TAF3: variants seen among roughly 807,000 people sequenced by gnomAD.
The protein encoded by TAF3 is TATA-box binding protein associated factor 3.
Under a neutral mutation model 80.6 loss-of-function variants are expected in TAF3, and 7 were observed. The observed-to-expected ratio is 0.09, with a 90% CI of 0.05 to 0.16. TAF3 has a LOEUF of 0.16. TAF3 is among the 10% of genes least tolerant of loss of function. The probability of loss-of-function intolerance (pLI) is 1.00; values close to 1 mark genes in which losing one functional copy is unlikely to be tolerated. For missense variants in TAF3, 921 were observed against 1,140.2 expected, an observed-to-expected ratio of 0.81 and a Z score of 2.77; for synonymous variants, 444 against 446.1, an observed-to-expected ratio of 1.00 and a Z score of 0.06.
chr10:7,944,661 A>G lies in TAF3; in HGVS notation c.410-19259A>G, dbSNP rs147183924. Among the ~76,000 whole-genome samples the G allele has an allele frequency of 4.2e-3, 641 of 152,344 alleles. 3 individuals are homozygous for G. Among genetic ancestry groups the G allele is most frequent in the Non-Finnish European group, 6.4e-3 (434 of 68,026 alleles). ...GGTCAGTAATGGAATACAAAGGGTT[A>G]TCTCTTAGCTAATCCTCAAGTAATG... On this transcript the variant is annotated intron_variant, in intron 2 of 6. Transcript: ENST00000344293.
chr10:7,998,822 G>A (rs1485371864), intron 4 of TAF3, among the ~76,000 whole-genome samples: 2 of 149,820 alleles, frequency 1.3e-5, no homozygotes, highest in Non-Finnish European at 3.0e-5. Flanking sequence ...CTGGGCAACA[G>A]AGTGAGACTC....
chr10:7,828,058 GA>G (rs1209395895), intron 2 of TAF3, among the ~76,000 whole-genome samples: 1 of 152,114 alleles, frequency 6.6e-6, no homozygotes, highest in Non-Finnish European at 1.5e-5. Flanking sequence ...ATACATTAGT[GA>G]AGTCACGCTA....
chr10:7,966,250 C>T (rs1400281430), intron 3 of TAF3, among the ~76,000 whole-genome samples: 1 of 152,210 alleles, frequency 6.6e-6, no homozygotes, highest in Non-Finnish European at 1.5e-5. Context: ...TTATGCCTGT[C>T]TACAGAACTT....
intron 2 of TAF3, among the ~76,000 whole-genome samples, chr10:7,835,288 C>G (rs1836840756): frequency 1.3e-5 from 2 of 151,444 alleles, no homozygotes; most frequent in Admixed American, 1.3e-4. Context: ...GGGCTGCATT[C>G]AAAGCCGTCC....
At chr10:7,989,617 A>G (rs759453688) in intron 4 of TAF3, among the ~76,000 whole-genome samples, 82 of 152,354 alleles carry the variant, frequency 5.4e-4, no homozygotes, top group African/African-American at 1.8e-3. Context: ...AACTTTTGAT[A>G]GAAATTACAA....
chr10:7,917,070 A>G (rs1837718269), intron 2 of TAF3, among the ~76,000 whole-genome samples: 1 of 152,270 alleles, frequency 6.6e-6, no homozygotes, highest in Admixed American at 6.5e-5. Flanking sequence ...TCTGTGCTCA[A>G]TAAGTCCCAG....
chr10:7,836,206 A>T (rs1274776464), intron 2 of TAF3, among the ~76,000 whole-genome samples: 1 of 151,782 alleles, frequency 6.6e-6, no homozygotes, highest in Non-Finnish European at 1.5e-5. Context: ...CTGTATGCTG[A>T]TGCCTCCCCA....
chr10:7,983,641 A>G (rs1441758798), intron 4 of TAF3, among the ~76,000 whole-genome samples: 1 of 152,340 alleles, frequency 6.6e-6, no homozygotes, highest in South Asian at 2.1e-4. Context: ...TTGCTACAGA[A>G]ACTGAAACAT....
intron 6 of TAF3, 121 bp from the exon 7 acceptor site, chr10:8,014,516 T>C: frequency 1.3e-6 from 1 of 785,100 alleles, no homozygotes; most frequent in Non-Finnish European, 2.0e-6. Context: ...AAGTTAGTGC[T>C]GCTTGACTTT....
chr10:7,834,775 AACTGAT>A (rs1308039327), intron 2 of TAF3, among the ~76,000 whole-genome samples: 2 of 152,220 alleles, frequency 1.3e-5, no homozygotes, highest in African/African-American at 2.4e-5. Flanking sequence ...ACAATATTGC[AACTGAT>A]ACTATCATTC....
chr10:7,867,569 A>G (rs1837225772), intron 2 of TAF3, among the ~76,000 whole-genome samples: 1 of 152,174 alleles, frequency 6.6e-6, no homozygotes, highest in Non-Finnish European at 1.5e-5. Context: ...GGGCACCCTC[A>G]TTCTGTCTGA....
At chr10:7,980,408 A>G (rs1367006317) in intron 4 of TAF3, among the ~76,000 whole-genome samples, 2 of 152,218 alleles carry the variant, frequency 1.3e-5, no homozygotes, top group African/African-American at 4.8e-5. Flanking sequence ...TCCTTGAAGC[A>G]AGACAGGAAT....
intron 3 of TAF3, among the ~76,000 whole-genome samples, chr10:7,972,704 G>T (rs1831632480): frequency 6.6e-6 from 1 of 152,078 alleles, no homozygotes; most frequent in African/African-American, 2.4e-5. Flanking sequence ...GTATTATTTA[G>T]GGTTTTTTTA....
At chr10:7,859,287 TAA>T (rs1221284373) in intron 2 of TAF3, among the ~76,000 whole-genome samples, 1 of 147,894 alleles carries the variant, frequency 6.8e-6, no homozygotes, top group Non-Finnish European at 1.5e-5. Context: ...AATAAATAAA[TAA>T]ATAAATAAAT....
intron 2 of TAF3, among the ~76,000 whole-genome samples, chr10:7,890,660 A>G (rs1333785783): frequency 2.0e-5 from 3 of 152,110 alleles, no homozygotes; most frequent in Admixed American, 6.6e-5. Context: ...ATCATCTATG[A>G]TCTCCAGTTT....
intron 2 of TAF3, among the ~76,000 whole-genome samples, chr10:7,892,565 A>T (rs1203614632): frequency 6.6e-6 from 1 of 152,196 alleles, no homozygotes; most frequent in Non-Finnish European, 1.5e-5. Flanking sequence ...TAACATAGTA[A>T]ATCTTAAACT....
intron 2 of TAF3, among the ~76,000 whole-genome samples, chr10:7,868,221 A>G (rs1837233978): frequency 6.6e-6 from 1 of 152,250 alleles, no homozygotes; most frequent in Admixed American, 6.5e-5. Flanking sequence ...ATAGAAAGTC[A>G]TCATCCAACA....
At chr10:7,875,999 GT>G (rs915339816) in intron 2 of TAF3, among the ~76,000 whole-genome samples, 7 of 151,208 alleles carry the variant, frequency 4.6e-5, no homozygotes, top group Admixed American at 2.6e-4. Context: ...TTCTCTTTAA[GT>G]TTTTTTATCA....
In TAF3 at chr10:7,943,919, A is replaced by G. The variant is rs139175073; in HGVS notation, c.410-20001A>G. 5.4e-3 allele frequency among the ~76,000 whole-genome samples: 820 copies of G among 152,328 alleles called. 12 individuals carry two copies. Among genetic ancestry groups the G allele is most frequent in the African/African-American group, 0.019 (787 of 41,568 alleles). On this transcript the variant is annotated intron_variant, in intron 2 of 6. Coordinates refer to ENST00000344293, the MANE Select transcript of TAF3 (RefSeq NM_031923.4). ...CAATTTCTAAAAAATCATTACCCCT[A>G]GTAAACCAAGATGAGTCAGCTCATT...
Sources: allele counts gnomAD v4.1 joint callset (sites outside exome capture counted in the v4.1 genomes callset), GRCh38; gene constraint gnomAD v4.1.1; transcripts MANE v1.5; gene names NCBI Gene and HGNC (gene_info 2026-07-23, HGNC 2026-07-21).